The following NOTCH1 variants were observed in gnomAD, a reference collection of about 807,000 sequenced individuals.
NOTCH1 encodes the protein neurogenic locus notch homolog protein 1.
Under a neutral mutation model 254.8 loss-of-function variants are expected in NOTCH1, and 37 were observed. The ratio of observed to expected loss-of-function variants is 0.15; its 90% CI spans 0.11 to 0.19. The LOEUF (loss-of-function observed/expected upper bound fraction) is 0.19, where lower values mean the gene tolerates loss of function less well. NOTCH1 is among the 10% of genes least tolerant of loss of function. NOTCH1 has a pLI of 1.00. For synonymous variants in NOTCH1, 1,731 were observed against 1,618.1 expected, an observed-to-expected ratio of 1.07 and a Z score of -1.68; for missense variants, 2,972 against 3,708.6, an observed-to-expected ratio of 0.80 and a Z score of 5.16.
Position 136,516,060 on chromosome 9 carries a change from G to A in NOTCH1, c.1590C>T (p.Asp530=), listed in dbSNP as rs562807473. 91 of 1,612,012 alleles carry A rather than the reference G, an allele frequency of 5.6e-5. 2 individuals are homozygous for A. Among genetic ancestry groups the A allele is most frequent in the South Asian group, 4.9e-4 (45 of 91,090 alleles). The change falls in exon 10 of 34, where the codon GAC becomes GAT. Residue 530 remains aspartate (D), a synonymous_variant. Coordinates refer to ENST00000651671, the MANE Select transcript of NOTCH1 (RefSeq NM_017617.5). ...FTGHLCQYDV[D]ECASTPCKNG... ...TCTTGCAGGGGGTGCTGGCACACTC[G>A]TCCACATCGTACTGGCACAGATGCC...
chr9:136,539,934 C>G lies in NOTCH1; in HGVS notation c.140+4090G>C, dbSNP rs376577087. Among the ~76,000 whole-genome samples, 3 of 152,330 alleles carry G rather than the reference C, an allele frequency of 2.0e-5. No individual in the cohort carries two copies. The South Asian group carries it at 6.2e-4, about 32-fold the overall frequency. On this transcript the variant is annotated intron_variant, in intron 2 of 33. Coordinates refer to ENST00000651671, the MANE Select transcript of NOTCH1 (RefSeq NM_017617.5). ...TTCTTTTAAGGGGAAGCCACGCCCC[C>G]AGTCCGCTTGTAGTCGGGAAATGAC...
intron 2 of NOTCH1, chr9:136,543,427 C>T: frequency 7.9e-6 from 2 of 254,210 alleles, no homozygotes; most frequent in South Asian, 6.9e-5. Context: ...GAGGCATCAC[C>T]CGCCCAGGAG....
chr9:136,505,208 C>T, intron 25 of NOTCH1, 102 bp downstream of exon 25: 1 of 1,518,812 alleles, frequency 6.6e-7, no homozygotes. Flanking sequence ...GTCCCTGCAC[C>T]CCCTGAGCAG....
rs1843138528 is a variant in NOTCH1 at position 136,509,198 on chromosome 9, A to C, written c.2970-127T>G. On this transcript the variant is annotated intron_variant, in intron 18 of 33. Coordinates refer to ENST00000651671, the MANE Select transcript of NOTCH1 (RefSeq NM_017617.5). The stretch of plus-strand genomic sequence containing the variant: ...GGGGCCTGATGGCCAGGACAGGCCC[A>C]GGGCAGCCTGGCTGACCCAGGGAGG... 3.1e-6 allele frequency: 3 copies of C among 961,394 alleles called. No individual in the cohort carries two copies. In the African/African-American group the frequency reaches 4.9e-5, roughly 16 times the overall value. 59.6% of individuals were successfully genotyped at this position (961,394 alleles called of 1,614,324 possible). A position where few individuals can be genotyped will look rare whatever the true frequency, so the allele number is the denominator to read the frequency against.
chr9:136,506,802 A>C lies in NOTCH1; in HGVS notation c.3815T>G (p.Leu1272Arg). 6.2e-7 allele frequency: 1 copy of C among 1,611,904 alleles called. No individual in the cohort carries two copies. Among genetic ancestry groups the C allele is most frequent in the Non-Finnish European group, 8.5e-7 (1 of 1,179,530 alleles). Residue 1272 changes from leucine to arginine, a missense_variant, in exon 23 of 34, where the codon CTG (leucine) becomes CGG (arginine). By Grantham distance (102) the Leu-to-Arg change is moderately radical (BLOSUM62 -2). Transcript: ENST00000651671. This position sits in a 1 kb window ranked among gnomAD's most constrained non-coding sequence, Gnocchi z 4.5. ...GCCACGGGCGTCGCAGGGATTGGAC[A>C]GGCACTCGTTGACATCCCCCTCACA... ...ERCEGDVNEC[L>R]SNPCDARGTQ...
intron 19 of NOTCH1, 60 bp from the exon 20 acceptor site, chr9:136,508,445 G>A (rs2133347992): frequency 6.2e-7 from 1 of 1,609,904 alleles, no homozygotes; most frequent in Non-Finnish European, 8.5e-7. Context: ...CGGTAGCTCA[G>A]AACGCACATC....
At chr9:136,508,517 C>A in intron 19 of NOTCH1, 132 bp from the exon 20 acceptor site, 1 of 1,288,724 alleles carries the variant, frequency 7.8e-7, no homozygotes, top group East Asian at 2.4e-5. Context: ...AACTGCCGCC[C>A]CTGGACTCCC....
Position 136,516,083 on chromosome 9 carries a change from G to A in NOTCH1, c.1567C>T (p.His523Tyr), listed in dbSNP as rs572103199. Residue 523 changes from histidine to tyrosine, a missense_variant, in exon 10 of 34, where the codon CAT becomes TAT. This residue lies in a region of NOTCH1 where 128 missense variants were observed against 193.8 expected (regional missense o/e 0.66). Coordinates refer to ENST00000651671, the MANE Select transcript of NOTCH1 (RefSeq NM_017617.5). ...TCGTCCACATCGTACTGGCACAGAT[G>A]CCCAGTGAAGCCTGGGGCCGGGGAG... ...QCECPTGFTGHLCQYDVDECA... is the reference protein window; with the variant it reads ...QCECPTGFTGYLCQYDVDECA... The A allele has an allele frequency of 1.6e-4, 259 of 1,610,654 alleles. 4 individuals carry two copies. The South Asian group carries it at 2.7e-3, about 17-fold the overall frequency.
chr9:136,498,687 G>C (rs1842952276), intron 33 of NOTCH1, among the ~76,000 whole-genome samples: 1 of 152,216 alleles, frequency 6.6e-6, no homozygotes, highest in Non-Finnish European at 1.5e-5. Context: ...AGCTGGACCT[G>C]CACTTGGAAG....
intron 2 of NOTCH1, among the ~76,000 whole-genome samples, chr9:136,524,803 A>G (rs1843435003): frequency 6.6e-6 from 1 of 151,876 alleles, no homozygotes; most frequent in African/African-American, 2.4e-5. Flanking sequence ...ATGCCCAGCT[A>G]ATTTTTGTAT....
rs1297911053 is a variant in NOTCH1, at chr9:136,545,441, G to A, written c.61+285C>T. On this transcript the variant is annotated intron_variant, in intron 1 of 33. Transcript: ENST00000651671. This position sits in a 1 kb window ranked among gnomAD's most constrained non-coding sequence, Gnocchi z 6.8. The stretch of plus-strand genomic sequence containing the variant: ...AAGCCCCACGCGCGGCGGGTGAAGG[G>A]CGGGCCCGGAGTAGGGCCTCCGGGG... Among the ~76,000 whole-genome samples the A allele has an allele frequency of 6.6e-6, 1 of 151,312 alleles. No individual in the cohort carries two copies. Among genetic ancestry groups the A allele is most frequent in the Non-Finnish European group, 1.5e-5 (1 of 67,744 alleles).
At chr9:136,527,666 C>A (rs1220340715) in intron 2 of NOTCH1, among the ~76,000 whole-genome samples, 1 of 152,208 alleles carries the variant, frequency 6.6e-6, no homozygotes, top group Non-Finnish European at 1.5e-5. Context: ...ACGGAGGAGA[C>A]CCAACCCACG....
intron 27 of NOTCH1, chr9:136,502,884 G>T: frequency 3.2e-6 from 2 of 619,554 alleles, no homozygotes; most frequent in Non-Finnish European, 5.9e-6. Flanking sequence ...AAAAAAAGCC[G>T]TAATGATTTT....
Position 136,513,477 on chromosome 9 carries a change from C to T in NOTCH1, c.2268G>A (p.Glu756=). Residue 756 remains glutamate, a synonymous_variant, in exon 14 of 34, where the codon GAG becomes GAA. Transcript: ENST00000651671. The surrounding 1 kb of genome is among the most constrained non-coding windows in gnomAD (Gnocchi z 4.7). The part of the protein sequence containing the change: ...SGTNCDINNN[E]CESNPCVNGG... Reference sequence around the variant, plus strand: ...CGTTGACACAAGGGTTGGATTCACACTCATTGTTGTTGATGTCACAGTTGG... The same window carrying T: ...CGTTGACACAAGGGTTGGATTCACATTCATTGTTGTTGATGTCACAGTTGG... 1 of 1,613,264 alleles carries T rather than the reference C, an allele frequency of 6.2e-7. No individual in the cohort carries two copies. The highest frequency in any genetic ancestry group is 1.1e-5 in the South Asian group (1 of 91,086).
chr9:136,531,108 G>A (rs1004905479), intron 2 of NOTCH1, among the ~76,000 whole-genome samples: 1 of 152,342 alleles, frequency 6.6e-6, no homozygotes, highest in Middle Eastern at 3.4e-3. Context: ...TGTTAAGAAT[G>A]CTGCAGGGAG....
chr9:136,543,636 G>A (rs930899137), intron 2 of NOTCH1: 12 of 390,476 alleles, frequency 3.1e-5, no homozygotes, highest in Non-Finnish European at 4.4e-5. Flanking sequence ...GGCATCACCC[G>A]CCCAGAGGAG....
At chr9:136,508,629 A>G (rs551672836) in intron 19 of NOTCH1, among the ~76,000 whole-genome samples, 3 of 152,276 alleles carry the variant, frequency 2.0e-5, no homozygotes, top group South Asian at 2.1e-4. Flanking sequence ...CTTTTCCTCA[A>G]TTCCCCAATT....
Position 136,500,709 on chromosome 9 carries a change from C to A in NOTCH1, c.5777G>T (p.Arg1926Leu), listed in dbSNP as rs771407924. Residue 1926 changes from arginine (R) to leucine (L), a missense_variant, in exon 31 of 34, where the codon CGC becomes CTC. Arg to Leu is a moderately radical substitution (Grantham distance 102, BLOSUM62 -2). Around this residue, in one of 8 missense-constraint regions of NOTCH1, gnomAD observed 421 missense variants for 604.4 expected, o/e 0.70. Coordinates refer to ENST00000651671, the MANE Select transcript of NOTCH1 (RefSeq NM_017617.5). The stretch of plus-strand genomic sequence containing the variant: ...CAGGTGCAAGGCGGTCTCGCCCGTG[C>A]GGTCTGTCTGGTTGTGCAGGCTGGC... ...QGASLHNQTD[R>L]TGETALHLAA... The A allele has an allele frequency of 5.6e-6, 9 of 1,609,668 alleles. No homozygotes were observed. Among genetic ancestry groups the A allele is most frequent in the Non-Finnish European group, 6.8e-6 (8 of 1,179,898 alleles).
rs77764110 is a variant in NOTCH1 at position 136,506,443 on chromosome 9, C to T, written c.4014+84G>A. ...GATGAAGGCCGGGAGGATCACTGCC[C>T]GGTCTGCGCCCCGAGGCCCCCACGT... On this transcript the variant is annotated intron_variant, in intron 24 of 33. Coordinates refer to ENST00000651671, the MANE Select transcript of NOTCH1 (RefSeq NM_017617.5). This position sits in a 1 kb window ranked among gnomAD's most constrained non-coding sequence, Gnocchi z 4.5. 883 of 1,209,932 alleles carry T rather than the reference C, an allele frequency of 7.3e-4. 1 individual carries two copies. In the African/African-American group the frequency reaches 0.011, roughly 16 times the overall value. The allele number at this position is 1,209,932 out of a possible 1,614,324, so 74.9% of individuals were successfully genotyped here. A position where few individuals can be genotyped will look rare whatever the true frequency, so the allele number is the denominator to read the frequency against.
Sources: gnomAD v4.1 joint callset for allele counts (sites outside exome capture counted in the v4.1 genomes callset) on GRCh38, gnomAD v4.1.1 for gene constraint, gnomAD v4.1.1 regional missense constraint, Gnocchi (gnomAD v3.1) non-coding constraint, MANE v1.5 for transcripts, NCBI Gene and HGNC (gene_info 2026-07-23, HGNC 2026-07-21) for gene names.